Variants in ERBB4 observed in about 807,000 individuals in gnomAD.
ERBB4 encodes the protein erb-b2 receptor tyrosine kinase 4.
ERBB4 carries 42 observed loss-of-function variants against 158.0 expected under a neutral mutation model. The observed-to-expected ratio is 0.27, with a 90% CI of 0.21 to 0.34. The LOEUF is 0.34. ERBB4 is among the 10% of genes least tolerant of loss of function. ERBB4 has a pLI of 1.00. For missense variants in ERBB4, 1,333 were observed against 1,624.1 expected (o/e 0.82, Z 3.08); for synonymous variants, 583 against 558.7 (o/e 1.04, Z -0.61).
intron 25 of ERBB4, among the ~76,000 whole-genome samples, chr2:211,400,535 CTT>C (rs2063014553): frequency 6.6e-6 from 1 of 152,010 alleles, no homozygotes; most frequent in Non-Finnish European, 1.5e-5. Flanking sequence ...AGAAGACAAA[CTT>C]TGCATGTTCT....
At chr2:211,446,454 T>C (rs907214946) in intron 20 of ERBB4, among the ~76,000 whole-genome samples, 2 of 152,196 alleles carry the variant, frequency 1.3e-5, no homozygotes, top group African/African-American at 2.4e-5. Context: ...AAGAATGCTA[T>C]TTCAAAGTGT....
In ERBB4 at chr2:211,900,546, T is replaced by C. The variant is rs182428095; in HGVS notation, c.421+46884A>G. The stretch of plus-strand genomic sequence containing the variant: ...TGTCAAACCAGTCAAACTCAATTTT[T>C]CTATTGAAAAGCGGGTCCTTCAAAG... On this transcript the variant is annotated intron_variant, in intron 3 of 27. Coordinates refer to ENST00000342788, the MANE Select transcript of ERBB4 (RefSeq NM_005235.3). Among the ~76,000 whole-genome samples, 434 of 151,552 alleles carry C rather than the reference T, an allele frequency of 2.9e-3. 3 individuals are homozygous for C. Among genetic ancestry groups the C allele is most frequent in the Middle Eastern group, 6.9e-3 (2 of 290 alleles).
At chr2:211,828,070 G>A (rs1679977316) in intron 3 of ERBB4, among the ~76,000 whole-genome samples, 2 of 152,028 alleles carry the variant, frequency 1.3e-5, no homozygotes, top group Admixed American at 6.6e-5. Flanking sequence ...TTAATCTGTA[G>A]GATAATATAT....
chr2:212,498,412 G>T (rs1432186292), intron 1 of ERBB4, among the ~76,000 whole-genome samples: 1 of 152,070 alleles, frequency 6.6e-6, no homozygotes, highest in Non-Finnish European at 1.5e-5. Context: ...ATATGCTTTA[G>T]CCAATGTAGA....
intron 1 of ERBB4, among the ~76,000 whole-genome samples, chr2:212,477,843 G>A (rs1689483343): frequency 1.3e-5 from 2 of 152,222 alleles, no homozygotes; most frequent in East Asian, 1.9e-4. Context: ...TATTCAATAT[G>A]TGGGCTCTGT....
At chr2:211,831,036 G>T (rs1004990501) in intron 3 of ERBB4, among the ~76,000 whole-genome samples, 3 of 151,978 alleles carry the variant, frequency 2.0e-5, no homozygotes, top group South Asian at 4.2e-4. Context: ...AGTCATAAAA[G>T]CTTATGCTAA....
At chr2:212,193,737 C>A (rs1030981600) in intron 1 of ERBB4, among the ~76,000 whole-genome samples, 1 of 151,870 alleles carries the variant, frequency 6.6e-6, no homozygotes, top group Non-Finnish European at 1.5e-5. Context: ...TAATTGTCAT[C>A]AATAATGGAT....
intron 3 of ERBB4, among the ~76,000 whole-genome samples, chr2:211,942,667 T>C (rs974009543): frequency 3.3e-5 from 5 of 152,104 alleles, no homozygotes; most frequent in Admixed American, 6.6e-5. Flanking sequence ...ATCAAGATGA[T>C]CCAGTACACA....
At chr2:211,984,382 G>A (rs1298072103) in intron 2 of ERBB4, among the ~76,000 whole-genome samples, 1 of 152,014 alleles carries the variant, frequency 6.6e-6, no homozygotes, top group Non-Finnish European at 1.5e-5. Flanking sequence ...AATGAAAAAA[G>A]TATCTTTATA....
At chr2:211,895,885 C>T (rs1290785558) in intron 3 of ERBB4, among the ~76,000 whole-genome samples, 3 of 152,072 alleles carry the variant, frequency 2.0e-5, no homozygotes, top group African/African-American at 7.2e-5. Context: ...TTTCCAGTGT[C>T]GTCATCTCTG....
intron 20 of ERBB4, among the ~76,000 whole-genome samples, chr2:211,439,339 TAAAGTGCCTCCAA>T (rs899920418): frequency 2.7e-4 from 41 of 152,186 alleles, no homozygotes; most frequent in African/African-American, 9.2e-4. Context: ...AGTTGGTTTT[TAAAGTGCCTCCAA>T]AGGCACCATC....
At chr2:211,853,802 C>T (rs2077779483) in intron 3 of ERBB4, among the ~76,000 whole-genome samples, 2 of 151,944 alleles carry the variant, frequency 1.3e-5, no homozygotes, top group African/African-American at 4.8e-5. Flanking sequence ...TACATTTTAC[C>T]ACAATTTGTC....
chr2:211,687,304 CAAAA>C (rs34737849), intron 12 of ERBB4, among the ~76,000 whole-genome samples: 3 of 106,184 alleles, frequency 2.8e-5, no homozygotes, highest in African/African-American at 3.7e-5. Flanking sequence ...GACTCCGTCT[CAAAA>C]AAAAAAAAAA....
At chr2:212,107,781 C>T (rs1055598221) in intron 2 of ERBB4, among the ~76,000 whole-genome samples, 4 of 152,018 alleles carry the variant, frequency 2.6e-5, no homozygotes, top group East Asian at 1.9e-4. Flanking sequence ...GTGCTGTTCT[C>T]GTGATAGTGA....
At chr2:211,634,490 A>C (rs2070280796) in intron 16 of ERBB4, among the ~76,000 whole-genome samples, 1 of 152,050 alleles carries the variant, frequency 6.6e-6, no homozygotes. Context: ...TAAGTATAGG[A>C]TAGATATCTT....
chr2:212,205,817 A>G (rs2082729230), intron 1 of ERBB4, among the ~76,000 whole-genome samples: 1 of 152,224 alleles, frequency 6.6e-6, no homozygotes, highest in Non-Finnish European at 1.5e-5. Context: ...TCATGTTTTA[A>G]AAGCAAAATA....
At chr2:211,447,812 T>A (rs182620425) in intron 20 of ERBB4, among the ~76,000 whole-genome samples, 1 of 152,214 alleles carries the variant, frequency 6.6e-6, no homozygotes, top group Non-Finnish European at 1.5e-5. Flanking sequence ...ACCTAAGATT[T>A]ATTTAAAAAT....
intron 3 of ERBB4, among the ~76,000 whole-genome samples, chr2:211,848,474 T>A (rs1278618272): frequency 6.6e-6 from 1 of 152,050 alleles, no homozygotes; most frequent in Non-Finnish European, 1.5e-5. Flanking sequence ...TGTATGTTTC[T>A]CAGGTCTCTC....
chr2:212,051,273 A>C (rs1361388832), intron 2 of ERBB4, among the ~76,000 whole-genome samples: 1 of 152,136 alleles, frequency 6.6e-6, no homozygotes, highest in African/African-American at 2.4e-5. Context: ...ATTTTAAAGT[A>C]ATGTCTTTAA....
Sources: allele counts gnomAD v4.1 joint callset (sites outside exome capture counted in the v4.1 genomes callset), GRCh38; gene constraint gnomAD v4.1.1; transcripts MANE v1.5; gene names NCBI Gene and HGNC (gene_info 2026-07-23, HGNC 2026-07-21).